The following AOPEP variants were observed in gnomAD, a reference collection of about 807,000 sequenced individuals.
AOPEP encodes the protein aminopeptidase O.
Under a neutral mutation model 98.1 loss-of-function variants are expected in AOPEP, and 77 were observed. That is an observed-to-expected ratio of 0.78 (90% confidence interval 0.65 to 0.95). The LOEUF (loss-of-function observed/expected upper bound fraction) is 0.95. Ranked by LOEUF, AOPEP falls within the 40% of genes least tolerant of loss-of-function variation. The pLI, the probability that AOPEP is intolerant of heterozygous loss-of-function variation, is 0.00. For missense variants in AOPEP, 1,024 were observed against 1,024.7 expected (o/e 1.00, Z 0.01); for synonymous variants, 346 against 365.3 (o/e 0.95, Z 0.60).
chr9:95,084,654 T>G (rs1320493347), intron 16 of AOPEP, among the ~76,000 whole-genome samples: 1 of 152,234 alleles, frequency 6.6e-6, no homozygotes, highest in Non-Finnish European at 1.5e-5. Context: ...CTCGCCACTC[T>G]TTATGGGGAA....
chr9:94,801,272 C>G (rs1848168484), intron 5 of AOPEP, among the ~76,000 whole-genome samples: 3 of 152,174 alleles, frequency 2.0e-5, no homozygotes. Flanking sequence ...CATAGTGCCC[C>G]CTGAGTGGTG....
chr9:95,139,279 G>C, the AOPEP span, among the ~76,000 whole-genome samples: 1 of 152,170 alleles, frequency 6.6e-6, no homozygotes, highest in Non-Finnish European at 1.5e-5. Context: ...GCGCTGAGGA[G>C]AGTGACAACA....
the AOPEP span, among the ~76,000 whole-genome samples, chr9:95,131,100 A>AT: frequency 2.6e-5 from 4 of 152,138 alleles, no homozygotes; most frequent in African/African-American, 9.7e-5. Context: ...TACACAAACA[A>AT]TTTTTTCAGT....
intron 5 of AOPEP, among the ~76,000 whole-genome samples, chr9:94,875,347 G>GAAAAAAAAAAAAAAAAAAA (rs71366265): frequency 2.8e-5 from 2 of 71,526 alleles, no homozygotes; most frequent in Admixed American, 1.8e-4. Flanking sequence ...AATTGAGCAA[G>GAAAAAAAAAAAAAAAAAAA]AAAAAAAAAA....
Position 95,022,442 on chromosome 9 carries a change from A to G in AOPEP, c.2115+16826A>G, listed in dbSNP as rs190792560. On this transcript the variant is annotated intron_variant, in intron 13 of 16. Transcript: ENST00000375315. ...AACCTCCACCTCTTGGGTTCAAGCG[A>G]TTCTCCTGCCTCAGCCTCCTGGGTA... Among the ~76,000 whole-genome samples, 1,075 of 152,232 alleles carry G rather than the reference A, an allele frequency of 7.1e-3. 6 individuals carry two copies. The highest frequency in any genetic ancestry group is 0.013 in the Non-Finnish European group (866 of 68,016).
At chr9:94,973,912 G>T (rs1013673000) in intron 10 of AOPEP, among the ~76,000 whole-genome samples, 20 of 152,120 alleles carry the variant, frequency 1.3e-4, no homozygotes, top group Admixed American at 1.0e-3. Context: ...CGTTGGCTTG[G>T]ATTCTGAATA....
intron 7 of AOPEP, among the ~76,000 whole-genome samples, chr9:94,945,026 A>C (rs2137619069): frequency 6.6e-6 from 1 of 152,268 alleles, no homozygotes; most frequent in Middle Eastern, 3.4e-3. Context: ...TGGAAAAAGA[A>C]ATTAGGGCAG....
chr9:94,788,250 AT>A (rs895648308), intron 3 of AOPEP, among the ~76,000 whole-genome samples: 3 of 150,966 alleles, frequency 2.0e-5, no homozygotes, highest in African/African-American at 7.3e-5. Context: ...ATAAAAAAAA[AT>A]TTTTTTTTGT....
At chr9:95,142,262 G>T in the AOPEP span, among the ~76,000 whole-genome samples, 2 of 151,930 alleles carry the variant, frequency 1.3e-5, no homozygotes, top group South Asian at 4.2e-4. Context: ...CAAAGTGCTG[G>T]GATTACAGGT....
chr9:95,088,643 T>G (rs34067737), downstream of AOPEP, among the ~76,000 whole-genome samples: 1 of 152,224 alleles, frequency 6.6e-6, no homozygotes, highest in Non-Finnish European at 1.5e-5. Context: ...GCTTGGCACC[T>G]GGAGCTCTCA....
At chr9:95,122,241 T>G in the AOPEP span, among the ~76,000 whole-genome samples, 1 of 152,000 alleles carries the variant, frequency 6.6e-6, no homozygotes, top group South Asian at 2.1e-4. Flanking sequence ...TTATTAGATA[T>G]CAGGTTTACA....
At chr9:94,733,488 G>A (rs139971883) in intron 1 of AOPEP, among the ~76,000 whole-genome samples, 17 of 152,218 alleles carry the variant, frequency 1.1e-4, no homozygotes, top group African/African-American at 3.4e-4. Context: ...TATTTGCACC[G>A]TGTAACCAGC....
chr9:95,114,101 A>AACC, the AOPEP span: 7 of 187,212 alleles, frequency 3.7e-5, no homozygotes, highest in Non-Finnish European at 4.6e-5. Flanking sequence ...AATTTAAAAC[A>AACC]AACCAACCAA....
intron 5 of AOPEP, among the ~76,000 whole-genome samples, chr9:94,817,173 C>T (rs6479570): frequency 0.86 from 130,500 of 151,954 alleles, 56,188 homozygotes; most frequent in Non-Finnish European, 0.89. Flanking sequence ...GGCTAATTTT[C>T]TGTGTGTTTT....
chr9:95,124,965 C>A, the AOPEP span: 1 of 845,640 alleles, frequency 1.2e-6, no homozygotes, highest in Non-Finnish European at 2.0e-6. Flanking sequence ...TCATTAGGAA[C>A]CTTTCTTTGT....
chr9:95,104,324 C>T, the AOPEP span, among the ~76,000 whole-genome samples: 6 of 152,346 alleles, frequency 3.9e-5, no homozygotes, highest in East Asian at 1.9e-4. Context: ...GGCCAGCATC[C>T]GTCCCTGACA....
chr9:95,107,403 C>T, the AOPEP span: 60 of 962,526 alleles, frequency 6.2e-5, 1 homozygote, highest in Middle Eastern at 1.2e-3. Flanking sequence ...AGCTAGGCAG[C>T]GGCCGAATTT....
the AOPEP span, chr9:95,135,215 A>C: frequency 3.3e-5 from 30 of 904,046 alleles, 1 homozygote; most frequent in African/African-American, 4.7e-4. Flanking sequence ...ATAAAATGTA[A>C]ATACACGATT....
intron 7 of AOPEP, among the ~76,000 whole-genome samples, chr9:94,953,174 G>A (rs2058228321): frequency 6.6e-6 from 1 of 152,208 alleles, no homozygotes; most frequent in Non-Finnish European, 1.5e-5. Flanking sequence ...CCTTATCAAA[G>A]CTAGTGTGGC....
Sources: gnomAD v4.1 joint callset for allele counts (sites outside exome capture counted in the v4.1 genomes callset) on GRCh38, gnomAD v4.1.1 for gene constraint, MANE v1.5 for transcripts, NCBI Gene and HGNC (gene_info 2026-07-23, HGNC 2026-07-21) for gene names.